The following EEPD1 variants were observed in gnomAD, a reference collection of about 807,000 sequenced individuals.
EEPD1 encodes the protein endonuclease/exonuclease/phosphatase family domain containing 1.
Under a neutral mutation model 46.3 loss-of-function variants are expected in EEPD1, and 17 were observed. The observed-to-expected ratio is 0.37, with a 90% CI of 0.25 to 0.55. EEPD1 has a LOEUF of 0.55. EEPD1 is among the 20% of genes least tolerant of loss of function. The pLI, the probability that EEPD1 is intolerant of heterozygous loss-of-function variation, is 0.83. For synonymous variants in EEPD1, 313 were observed against 315.6 expected, an observed-to-expected ratio of 0.99 and a Z score of 0.09; for missense variants, 673 against 745.6, an observed-to-expected ratio of 0.90 and a Z score of 1.13.
chr7:36,234,667 G>A (rs1160860501), intron 2 of EEPD1, among the ~76,000 whole-genome samples: 2 of 149,290 alleles, frequency 1.3e-5, no homozygotes, highest in Admixed American at 6.7e-5. Flanking sequence ...GTGAGACCCT[G>A]TCTCAAAAAA....
Position 36,194,044 on chromosome 7 carries a change from A to G in EEPD1, c.878+38842A>G, listed in dbSNP as rs549394753. On this transcript the variant is annotated intron_variant, in intron 2 of 7. Transcript: ENST00000242108. ...GAACTCCATATTTTGCGTTCTTTTC[A>G]TCACAGAAGAACTATGGCTACTTCT... Among the ~76,000 whole-genome samples, 134 of 152,286 alleles carry G rather than the reference A, an allele frequency of 8.8e-4. 1 individual carries two copies. Among genetic ancestry groups the G allele is most frequent in the Admixed American group, 1.6e-3 (25 of 15,304 alleles).
intron 2 of EEPD1, chr7:36,230,897 A>G (rs1786313664): frequency 6.6e-6 from 1 of 152,128 alleles, no homozygotes; most frequent in South Asian, 2.1e-4. Flanking sequence ...TCTGTTACAT[A>G]TTGCTGTGTC....
intron 2 of EEPD1, 58 bp downstream of exon 2, chr7:36,155,260 T>A: frequency 6.8e-7 from 1 of 1,470,874 alleles, no homozygotes; most frequent in Non-Finnish European, 9.0e-7. Context: ...CGTGACCTCA[T>A]CTATGGATGC....
intron 5 of EEPD1, among the ~76,000 whole-genome samples, chr7:36,286,721 G>A (rs1008210436): frequency 3.3e-5 from 5 of 152,198 alleles, no homozygotes; most frequent in African/African-American, 1.2e-4. Context: ...TGTGTGGGAG[G>A]TGTAGGGAGG....
At chr7:36,185,563 G>C (rs1237443585) in intron 2 of EEPD1, among the ~76,000 whole-genome samples, 1 of 130,828 alleles carries the variant, frequency 7.6e-6, no homozygotes, top group Non-Finnish European at 1.6e-5. Context: ...TGATCACACT[G>C]GTATGAGGCA....
intron 3 of EEPD1, among the ~76,000 whole-genome samples, chr7:36,244,707 A>G (rs1186994116): frequency 1.3e-5 from 2 of 151,618 alleles, no homozygotes; most frequent in East Asian, 3.9e-4. Context: ...CTAGCCTGTG[A>G]AACTGCTCTC....
chr7:36,238,526 T>C (rs982609300), intron 2 of EEPD1, among the ~76,000 whole-genome samples: 3 of 152,234 alleles, frequency 2.0e-5, no homozygotes, highest in African/African-American at 7.2e-5. Flanking sequence ...TTACCTCATT[T>C]AGTGTGTCTC....
At chr7:36,165,530 C>T (rs1784968831) in intron 2 of EEPD1, among the ~76,000 whole-genome samples, 1 of 143,272 alleles carries the variant, frequency 7.0e-6, no homozygotes, top group Admixed American at 7.5e-5. Context: ...AGCGATTCTC[C>T]TTCCTCAGCC....
At chr7:36,226,771 A>G (rs1021423201) in intron 2 of EEPD1, among the ~76,000 whole-genome samples, 1 of 152,224 alleles carries the variant, frequency 6.6e-6, no homozygotes, top group African/African-American at 2.4e-5. Flanking sequence ...TAGACTACAT[A>G]GATAGTAACA....
At chr7:36,282,433 C>G (rs924290814) in intron 4 of EEPD1, among the ~76,000 whole-genome samples, 2 of 152,190 alleles carry the variant, frequency 1.3e-5, no homozygotes, top group African/African-American at 4.8e-5. Flanking sequence ...CAGTGGGGAT[C>G]CCGGCTGGAG....
At chr7:36,180,648 G>A (rs1305632400) in intron 2 of EEPD1, among the ~76,000 whole-genome samples, 1 of 152,132 alleles carries the variant, frequency 6.6e-6, no homozygotes, top group Non-Finnish European at 1.5e-5. Flanking sequence ...TATTTTAGGA[G>A]TCTGCACATG....
At chr7:36,281,929 CAT>C (rs1339280498) in intron 4 of EEPD1, among the ~76,000 whole-genome samples, 2 of 152,164 alleles carry the variant, frequency 1.3e-5, no homozygotes, top group Non-Finnish European at 2.9e-5. Flanking sequence ...CTTACAAACA[CAT>C]GTGATTTATA....
intron 2 of EEPD1, among the ~76,000 whole-genome samples, chr7:36,214,807 C>T (rs1786000811): frequency 6.6e-6 from 1 of 152,208 alleles, no homozygotes; most frequent in South Asian, 2.1e-4. Context: ...TTCCCGCCGC[C>T]TTCTTGGAAG....
At chr7:36,261,125 G>A (rs1409943187) in intron 3 of EEPD1, among the ~76,000 whole-genome samples, 2 of 152,182 alleles carry the variant, frequency 1.3e-5, no homozygotes, top group Non-Finnish European at 2.9e-5. Flanking sequence ...TGTGTGCATG[G>A]ACGAATGGGT....
chr7:36,296,871 C>T (rs1301747630), intron 6 of EEPD1, 122 bp from the exon 7 acceptor site: 1 of 895,398 alleles, frequency 1.1e-6, no homozygotes, highest in Non-Finnish European at 1.7e-6. Context: ...AGAACCATGC[C>T]ACAGTACTAA....
intron 4 of EEPD1, among the ~76,000 whole-genome samples, chr7:36,281,993 G>A (rs1223893625): frequency 6.6e-6 from 1 of 152,122 alleles, no homozygotes; most frequent in East Asian, 1.9e-4. Context: ...AATGTATACT[G>A]GATTAAAAGT....
chr7:36,217,289 T>A (rs1302276334), intron 2 of EEPD1, among the ~76,000 whole-genome samples: 3 of 152,252 alleles, frequency 2.0e-5, no homozygotes, highest in Non-Finnish European at 4.4e-5. Flanking sequence ...GTACCTCCCC[T>A]TTTTAGACCA....
At chr7:36,280,750 C>T (rs1284562485) in intron 3 of EEPD1, among the ~76,000 whole-genome samples, 2 of 152,130 alleles carry the variant, frequency 1.3e-5, no homozygotes, top group Admixed American at 6.5e-5. Context: ...TTGGATTTGA[C>T]GCTGATCCAG....
At chr7:36,244,630 C>G (rs543467076) in intron 3 of EEPD1, among the ~76,000 whole-genome samples, 3 of 152,250 alleles carry the variant, frequency 2.0e-5, no homozygotes, top group African/African-American at 7.2e-5. Flanking sequence ...AGTTCTCCTC[C>G]CGGTGTGGCC....
Sources: allele counts gnomAD v4.1 joint callset (sites outside exome capture counted in the v4.1 genomes callset), GRCh38; gene constraint gnomAD v4.1.1; transcripts MANE v1.5; gene names NCBI Gene and HGNC (gene_info 2026-07-23, HGNC 2026-07-21).